The following FAM163A variants were observed in gnomAD, a reference collection of about 807,000 sequenced individuals.
FAM163A encodes the protein family with sequence similarity 163 member A, also known as protein FAM163A.
FAM163A carries 7 observed loss-of-function variants against 12.0 expected under a neutral mutation model. The ratio of observed to expected loss-of-function variants is 0.58; its 90% CI spans 0.33 to 1.10. FAM163A has a LOEUF of 1.10. Ranked by LOEUF, FAM163A falls within the 50% of genes least tolerant of loss-of-function variation. The pLI is 0.03. For missense variants in FAM163A, 202 were observed against 218.6 expected (o/e 0.92, Z 0.48); for synonymous variants, 101 against 91.0 (o/e 1.11, Z -0.62).
At chr1:179,732,541 T>G in the FAM163A span, among the ~76,000 whole-genome samples, 11 of 152,084 alleles carry the variant, frequency 7.2e-5, no homozygotes, top group African/African-American at 2.7e-4. Context: ...CCTCCCAAGA[T>G]AAGAGACTGA....
At chr1:179,766,140 C>T (rs1687467641) in intron 1 of FAM163A, among the ~76,000 whole-genome samples, 2 of 152,210 alleles carry the variant, frequency 1.3e-5, no homozygotes, top group African/African-American at 2.4e-5. Context: ...GTCTCTCAGT[C>T]CCATTTTGCC....
At chr1:179,764,166 G>A (rs1345001974) in intron 1 of FAM163A, among the ~76,000 whole-genome samples, 3 of 152,236 alleles carry the variant, frequency 2.0e-5, no homozygotes, top group Non-Finnish European at 4.4e-5. Context: ...TAGATGATGG[G>A]AACACCTGTG....
At chr1:179,740,898 T>C (rs1233925146), upstream of FAM163A, among the ~76,000 whole-genome samples, 1 of 152,202 alleles carries the variant, frequency 6.6e-6, no homozygotes, top group Non-Finnish European at 1.5e-5. Context: ...GGAAACTGGG[T>C]GAAGGGTACT....
At chr1:179,732,595 G>T in the FAM163A span, among the ~76,000 whole-genome samples, 8 of 152,084 alleles carry the variant, frequency 5.3e-5, no homozygotes, top group South Asian at 1.2e-3. Context: ...ATAAATGATT[G>T]TTTAGGCAGG....
At chr1:179,792,769 T>C (rs1248869016) in intron 1 of FAM163A, among the ~76,000 whole-genome samples, 1 of 152,148 alleles carries the variant, frequency 6.6e-6, no homozygotes, top group Non-Finnish European at 1.5e-5. Flanking sequence ...ATTCATTCAT[T>C]CTGTAAACAT....
At chr1:179,790,626 G>A (rs1257315652) in intron 1 of FAM163A, among the ~76,000 whole-genome samples, 1 of 152,144 alleles carries the variant, frequency 6.6e-6, no homozygotes, top group African/African-American at 2.4e-5. Context: ...CTGGATGGAT[G>A]GCAGTCAGCA....
intron 4 of FAM163A, among the ~76,000 whole-genome samples, 176 bp downstream of exon 4, chr1:179,813,366 C>A (rs1209053949): frequency 6.6e-6 from 1 of 152,134 alleles, no homozygotes; most frequent in Non-Finnish European, 1.5e-5. Flanking sequence ...GAGCTAAGTG[C>A]CCCCCAGCCT....
At chr1:179,789,530 T>C (rs1053082589) in intron 1 of FAM163A, among the ~76,000 whole-genome samples, 2 of 152,362 alleles carry the variant, frequency 1.3e-5, no homozygotes, top group African/African-American at 4.8e-5. Context: ...TTCCTTCCCC[T>C]TCTTTTCCTT....
At chr1:179,733,751 A>G in the FAM163A span, among the ~76,000 whole-genome samples, 1 of 152,194 alleles carries the variant, frequency 6.6e-6, no homozygotes, top group Non-Finnish European at 1.5e-5. Context: ...CTGGTCCCAC[A>G]CATCCACAAA....
the FAM163A span, among the ~76,000 whole-genome samples, chr1:179,732,048 T>C: frequency 6.6e-6 from 1 of 152,226 alleles, no homozygotes; most frequent in Non-Finnish European, 1.5e-5. Context: ...GAATATGGTA[T>C]TGTGCTGAGA....
the FAM163A span, among the ~76,000 whole-genome samples, chr1:179,736,351 C>A: frequency 2.0e-5 from 3 of 150,734 alleles, no homozygotes; most frequent in Non-Finnish European, 3.0e-5. Flanking sequence ...AATAACCCAA[C>A]TAAAAATGGA....
intron 1 of FAM163A, among the ~76,000 whole-genome samples, chr1:179,768,125 C>T (rs1055991922): frequency 4.9e-4 from 74 of 152,286 alleles, no homozygotes; most frequent in African/African-American, 1.6e-3. Context: ...TGGCTTATTT[C>T]ATTTAGCATA....
intron 1 of FAM163A, among the ~76,000 whole-genome samples, chr1:179,783,496 C>CT (rs1045339060): frequency 5.3e-5 from 8 of 151,390 alleles, no homozygotes; most frequent in African/African-American, 1.2e-4. Flanking sequence ...TGATCAACAC[C>CT]TTTTTTTTAT....
intron 1 of FAM163A, among the ~76,000 whole-genome samples, chr1:179,784,782 A>T (rs1690368812): frequency 6.6e-6 from 1 of 152,222 alleles, no homozygotes; most frequent in South Asian, 2.1e-4. Context: ...GTCGCAGTGT[A>T]TAAAATCTAG....
At chr1:179,741,989 A>C (rs1361545087), upstream of FAM163A, 9 of 152,208 alleles carry the variant, frequency 5.9e-5, no homozygotes, top group African/African-American at 2.2e-4. Context: ...CGTCCTCTTC[A>C]TATTTCATTG....
intron 1 of FAM163A, among the ~76,000 whole-genome samples, chr1:179,767,060 C>T (rs549134375): frequency 6.6e-5 from 10 of 152,262 alleles, no homozygotes; most frequent in African/African-American, 2.4e-4. Context: ...CCGGCCTTTA[C>T]TCCTTTTTCG....
At chr1:179,764,385 C>T (rs924813394) in intron 1 of FAM163A, among the ~76,000 whole-genome samples, 5 of 152,156 alleles carry the variant, frequency 3.3e-5, no homozygotes, top group African/African-American at 1.2e-4. Flanking sequence ...GGGAGTGAAG[C>T]TTGTTCAAAG....
chr1:179,762,778 A>G (rs371108724), intron 1 of FAM163A, among the ~76,000 whole-genome samples: 2 of 152,230 alleles, frequency 1.3e-5, no homozygotes, highest in African/African-American at 4.8e-5. Flanking sequence ...ATTAGCCAGC[A>G]AGGGGAATGA....
At chr1:179,755,758 A>T (rs1571331588) in intron 1 of FAM163A, among the ~76,000 whole-genome samples, 1 of 152,202 alleles carries the variant, frequency 6.6e-6, no homozygotes, top group South Asian at 2.1e-4. Context: ...GAACTGCTTG[A>T]GGACCACATA....
Sources: allele counts gnomAD v4.1 joint callset (sites outside exome capture counted in the v4.1 genomes callset), GRCh38; gene constraint gnomAD v4.1.1; transcripts MANE v1.5; gene names NCBI Gene and HGNC (gene_info 2026-07-23, HGNC 2026-07-21).